STON2: variants seen among roughly 807,000 people sequenced by gnomAD.
The protein encoded by STON2 is stonin-2.
In STON2, 29 loss-of-function variants were observed where a neutral mutation model predicts 65.7. The observed-to-expected ratio is 0.44, with a 90% CI of 0.33 to 0.60. STON2 has a LOEUF of 0.60. Ranked by LOEUF, STON2 falls within the 20% of genes least tolerant of loss-of-function variation. The pLI, the probability that STON2 is intolerant of heterozygous loss-of-function variation, is 0.03. For missense variants in STON2, 1,054 were observed against 1,118.1 expected (o/e 0.94, Z 0.82); for synonymous variants, 404 against 414.2 (o/e 0.98, Z 0.30).
In STON2 at chr14:81,266,612, C is replaced by T; in HGVS notation, c.*1802G>A. On this transcript the variant is annotated 3_prime_UTR_variant, in exon 8 of 8. Transcript: ENST00000614646. Reference sequence around the variant, plus strand: ...ATGATACCCATAATTGAACTCAACCCTCCATTTAGATATGGACTAGATGGA... The same window carrying T: ...ATGATACCCATAATTGAACTCAACCTTCCATTTAGATATGGACTAGATGGA... 1 of 928,038 alleles carries T rather than the reference C, an allele frequency of 1.1e-6. No homozygotes were observed. The highest frequency in any genetic ancestry group is 1.3e-6 in the Non-Finnish European group (1 of 777,636). 57.5% of individuals were successfully genotyped at this position (928,038 alleles called of 1,614,324 possible).
intron 4 of STON2, among the ~76,000 whole-genome samples, chr14:81,332,309 A>G (rs1027682051): frequency 6.6e-6 from 1 of 152,284 alleles, no homozygotes; most frequent in Admixed American, 6.5e-5. Context: ...GAAAGAAGTC[A>G]CATTCGCATT....
chr14:81,428,066 GC>G (rs1218579974), intron 1 of STON2, among the ~76,000 whole-genome samples: 7 of 152,312 alleles, frequency 4.6e-5, no homozygotes, highest in African/African-American at 1.7e-4. Flanking sequence ...TGACCTTACA[GC>G]GTTGAGGTGC....
intron 5 of STON2, among the ~76,000 whole-genome samples, chr14:81,294,043 C>T (rs1468918917): frequency 6.6e-6 from 1 of 152,102 alleles, no homozygotes; most frequent in Non-Finnish European, 1.5e-5. Flanking sequence ...AAGTTATTTT[C>T]GCTCACAGTA....
chr14:81,328,540 C>T (rs191870601), intron 4 of STON2, among the ~76,000 whole-genome samples: 178 of 152,280 alleles, frequency 1.2e-3, no homozygotes, highest in African/African-American at 3.7e-3. Context: ...CTGAGGTGCT[C>T]TGAGGGCTCA....
At chr14:81,384,527 C>T (rs923689030) in intron 3 of STON2, among the ~76,000 whole-genome samples, 4 of 152,170 alleles carry the variant, frequency 2.6e-5, no homozygotes, top group Admixed American at 1.3e-4. Context: ...TAAGCCATCG[C>T]GCCCAGCCCC....
At chr14:81,300,584 T>C (rs1318210418) in intron 5 of STON2, among the ~76,000 whole-genome samples, 1 of 152,052 alleles carries the variant, frequency 6.6e-6, no homozygotes, top group East Asian at 1.9e-4. Flanking sequence ...AGATAGCACA[T>C]GAAAAGGTGC....
chr14:81,354,040 C>G (rs138799945), intron 4 of STON2, among the ~76,000 whole-genome samples: 1 of 152,354 alleles, frequency 6.6e-6, no homozygotes, highest in Non-Finnish European at 1.5e-5. Flanking sequence ...AACAAAGCAG[C>G]TTGTCCTATC....
At chr14:81,328,811 CT>C (rs1350074469) in intron 4 of STON2, among the ~76,000 whole-genome samples, 1 of 152,104 alleles carries the variant, frequency 6.6e-6, no homozygotes, top group Non-Finnish European at 1.5e-5. Context: ...GGCACCTCCC[CT>C]CTCACTCTCT....
chr14:81,276,678 T>C (rs17111651), intron 6 of STON2, among the ~76,000 whole-genome samples: 9,232 of 152,292 alleles, frequency 0.061, 390 homozygotes, highest in African/African-American at 0.12. Context: ...CCTAGTTTTA[T>C]GGAAGATGTG....
intron 5 of STON2, among the ~76,000 whole-genome samples, chr14:81,300,315 A>G (rs938659679): frequency 6.6e-6 from 1 of 152,144 alleles, no homozygotes; most frequent in African/African-American, 2.4e-5. Context: ...GATCTACAAG[A>G]AAGCCAAAAC....
chr14:81,274,701 C>T (rs537071059), intron 6 of STON2, among the ~76,000 whole-genome samples: 10 of 151,982 alleles, frequency 6.6e-5, no homozygotes, highest in South Asian at 2.1e-4. Context: ...TTCGGGAGTA[C>T]GAGGCAGGCG....
At chr14:81,392,547 T>C (rs954151793) in intron 3 of STON2, among the ~76,000 whole-genome samples, 1 of 152,190 alleles carries the variant, frequency 6.6e-6, no homozygotes, top group African/African-American at 2.4e-5. Context: ...GTGGGCCAAG[T>C]GTAGCATAGT....
chr14:81,270,382 GCCC>G (rs1453831080), intron 7 of STON2: 1 of 1,373,626 alleles, frequency 7.3e-7, no homozygotes, highest in Non-Finnish European at 9.4e-7. Context: ...ACTGTGCCTG[GCCC>G]CCATTATTCT....
At chr14:81,420,189 C>T (rs537911944) in intron 2 of STON2, among the ~76,000 whole-genome samples, 1 of 152,188 alleles carries the variant, frequency 6.6e-6, no homozygotes, top group South Asian at 2.1e-4. Context: ...CTCGGATGGC[C>T]GAATGATTCA....
chr14:81,300,557 A>T (rs997560973), intron 5 of STON2, among the ~76,000 whole-genome samples: 2 of 152,230 alleles, frequency 1.3e-5, no homozygotes, highest in African/African-American at 4.8e-5. Flanking sequence ...GGCCACAACG[A>T]AACTATATAA....
At chr14:81,373,836 GA>G (rs147002048) in intron 3 of STON2, among the ~76,000 whole-genome samples, 2,904 of 151,892 alleles carry the variant, frequency 0.019, 112 homozygotes, top group African/African-American at 0.068. Context: ...AAGAGTAGAG[GA>G]AAAAATATCT....
intron 3 of STON2, among the ~76,000 whole-genome samples, chr14:81,377,417 A>G (rs955717718): frequency 1.3e-5 from 2 of 152,178 alleles, no homozygotes; most frequent in African/African-American, 4.8e-5. Flanking sequence ...TTTCTCCATC[A>G]AAGGACATCT....
At chr14:81,407,050 A>G (rs1233037231) in intron 2 of STON2, among the ~76,000 whole-genome samples, 1 of 152,180 alleles carries the variant, frequency 6.6e-6, no homozygotes, top group Non-Finnish European at 1.5e-5. Flanking sequence ...CTTCCCTGGA[A>G]AAGAGCCAAG....
chr14:81,274,908 A>AAAAC (rs560348632), intron 6 of STON2, among the ~76,000 whole-genome samples: 3 of 152,254 alleles, frequency 2.0e-5, no homozygotes, highest in Non-Finnish European at 4.4e-5. Flanking sequence ...TCATTTCAAA[A>AAAAC]AAACAAACAA....
Sources: allele counts gnomAD v4.1 joint callset (sites outside exome capture counted in the v4.1 genomes callset), GRCh38; gene constraint gnomAD v4.1.1; transcripts MANE v1.5; gene names NCBI Gene and HGNC (gene_info 2026-07-23, HGNC 2026-07-21).